FOXP2: variants seen among roughly 807,000 people sequenced by gnomAD.
FOXP2 encodes the protein forkhead box protein P2.
In FOXP2, 12 loss-of-function variants were observed where a neutral mutation model predicts 115.8. That is an observed-to-expected ratio of 0.10 (90% CI 0.07 to 0.17). The LOEUF is 0.17. Among genes scored for constraint, FOXP2 ranks in the 10% least tolerant of loss-of-function variants. The probability of loss-of-function intolerance (pLI) is 1.00; values close to 1 mark genes in which losing one functional copy is unlikely to be tolerated. For synonymous variants in FOXP2, 328 were observed against 297.7 expected (o/e 1.10, Z -1.05); for missense variants, 629 against 843.5 (o/e 0.75, Z 3.15).
rs1800537331 is a variant in FOXP2 at position 114,557,786 on chromosome 7, A to G, written c.258+23080A>G. 4.2e-5 allele frequency among the ~76,000 whole-genome samples: 6 copies of G among 142,158 alleles called. No homozygotes were observed. The South Asian group carries it at 1.1e-3, about 26-fold the overall frequency. The allele number at this position is 142,158 out of a possible 152,430, so 93.3% of individuals were successfully genotyped here. On this transcript the variant is annotated intron_variant, in intron 3 of 16. Coordinates refer to ENST00000350908, the MANE Select transcript of FOXP2 (RefSeq NM_014491.4). ...CAACAAGAATTTTGACACTGAACTG[A>G]CTTTATTTATTTATTTATTTATTTA...
intron 2 of FOXP2, among the ~76,000 whole-genome samples, chr7:114,515,840 T>C (rs1472942238): frequency 6.6e-6 from 1 of 152,166 alleles, no homozygotes; most frequent in Non-Finnish European, 1.5e-5. Context: ...TACCGAGGAA[T>C]CCAACTTACA....
At chr7:114,494,535 A>G (rs1223474327) in intron 2 of FOXP2, among the ~76,000 whole-genome samples, 1 of 152,152 alleles carries the variant, frequency 6.6e-6, no homozygotes, top group Non-Finnish European at 1.5e-5. Flanking sequence ...AAAACTGTGG[A>G]ATAAACATTG....
At chr7:114,593,838 TTA>T (rs1055385173) in intron 3 of FOXP2, among the ~76,000 whole-genome samples, 11 of 152,008 alleles carry the variant, frequency 7.2e-5, no homozygotes, top group Admixed American at 3.3e-4. Flanking sequence ...ATGCTTCATT[TTA>T]TATATATGAT....
intron 1 of FOXP2, among the ~76,000 whole-genome samples, chr7:114,115,565 C>A (rs1357117859): frequency 6.6e-6 from 1 of 152,070 alleles, no homozygotes; most frequent in Non-Finnish European, 1.5e-5. Context: ...CTTATTGGAG[C>A]TTTTTCTTTG....
chr7:114,375,166 G>C (rs1487371365), intron 2 of FOXP2, among the ~76,000 whole-genome samples: 4 of 152,080 alleles, frequency 2.6e-5, no homozygotes, highest in Non-Finnish European at 4.4e-5. Flanking sequence ...AGCCTATAAT[G>C]TCAGTTTATA....
At chr7:114,238,297 A>AT (rs1795063175) in intron 1 of FOXP2, among the ~76,000 whole-genome samples, 1 of 151,360 alleles carries the variant, frequency 6.6e-6, no homozygotes, top group African/African-American at 2.4e-5. Flanking sequence ...AATCTGAAAT[A>AT]TTTTTTCCTT....
At chr7:114,657,313 G>A (rs1806642362) in intron 10 of FOXP2, among the ~76,000 whole-genome samples, 1 of 151,882 alleles carries the variant, frequency 6.6e-6, no homozygotes, top group Admixed American at 6.6e-5. Flanking sequence ...CACTTTCCAG[G>A]GTACATCAGC....
chr7:114,100,191 A>G (rs1799746780), intron 1 of FOXP2, among the ~76,000 whole-genome samples: 1 of 152,160 alleles, frequency 6.6e-6, no homozygotes, highest in African/African-American at 2.4e-5. Flanking sequence ...TTTACACAGG[A>G]TGTTTTACAT....
intron 2 of FOXP2, among the ~76,000 whole-genome samples, chr7:114,290,226 T>G (rs1026078174): frequency 3.6e-4 from 55 of 152,076 alleles, no homozygotes; most frequent in Admixed American, 1.2e-3. Context: ...TTTTTTTAGT[T>G]TTATCTCCAT....
chr7:114,126,000 C>G (rs1054283737), intron 1 of FOXP2, among the ~76,000 whole-genome samples: 7 of 152,096 alleles, frequency 4.6e-5, no homozygotes. Context: ...TAAGAACCTA[C>G]TGCAAGTGAG....
chr7:114,131,198 A>G (rs1791865783), intron 1 of FOXP2, among the ~76,000 whole-genome samples: 1 of 152,204 alleles, frequency 6.6e-6, no homozygotes, highest in African/African-American at 2.4e-5. Context: ...TGCTTTTGAT[A>G]AAAGGCTGTA....
At chr7:114,682,112 GT>G (rs1167076514) in intron 16 of FOXP2, among the ~76,000 whole-genome samples, 4 of 152,220 alleles carry the variant, frequency 2.6e-5, no homozygotes, top group African/African-American at 9.6e-5. Context: ...GGTAGTCACT[GT>G]TTTCCTTGCT....
At chr7:114,215,378 A>G (rs1002557751) in intron 1 of FOXP2, among the ~76,000 whole-genome samples, 5 of 152,162 alleles carry the variant, frequency 3.3e-5, no homozygotes, top group Non-Finnish European at 5.9e-5. Flanking sequence ...CAGTATTTAC[A>G]TGATTTTTTA....
intron 2 of FOXP2, among the ~76,000 whole-genome samples, chr7:114,313,961 T>C (rs1207877408): frequency 6.6e-6 from 1 of 151,936 alleles, no homozygotes; most frequent in Non-Finnish European, 1.5e-5. Flanking sequence ...TAGTGGTTTA[T>C]ACATTAATTT....
chr7:114,258,632 T>C (rs1795676281), intron 1 of FOXP2, among the ~76,000 whole-genome samples: 1 of 152,240 alleles, frequency 6.6e-6, no homozygotes, highest in Admixed American at 6.5e-5. Flanking sequence ...CTATTCATTT[T>C]ACTGGCACAA....
intron 1 of FOXP2, among the ~76,000 whole-genome samples, chr7:114,266,643 C>T (rs115218821): frequency 0.015 from 2,240 of 152,252 alleles, 26 homozygotes; most frequent in African/African-American, 0.025. Context: ...CAATAGGCCC[C>T]ACCTCCAACA....
intron 2 of FOXP2, chr7:114,499,143 G>T (rs1797452967): frequency 2.0e-6 from 1 of 496,666 alleles, no homozygotes. Flanking sequence ...TAGAAGAAAT[G>T]AACTACTGCA....
chr7:114,440,499 T>G (rs530550677), intron 2 of FOXP2, among the ~76,000 whole-genome samples: 52 of 152,296 alleles, frequency 3.4e-4, no homozygotes, highest in Non-Finnish European at 6.9e-4. Flanking sequence ...TATCACTAAT[T>G]TATTTGAAAG....
At chr7:114,643,699 G>T (rs1805709936) in intron 7 of FOXP2, among the ~76,000 whole-genome samples, 1 of 152,064 alleles carries the variant, frequency 6.6e-6, no homozygotes. Context: ...AAAGTAATTT[G>T]CATATAGTTC....
Sources: gnomAD v4.1 joint callset for allele counts (sites outside exome capture counted in the v4.1 genomes callset) on GRCh38, gnomAD v4.1.1 for gene constraint, MANE v1.5 for transcripts, NCBI Gene and HGNC (gene_info 2026-07-23, HGNC 2026-07-21) for gene names.